THSD4: variants seen among roughly 807,000 people sequenced by gnomAD.
The protein encoded by THSD4 is thrombospondin type 1 domain containing 4.
THSD4 carries 69 observed loss-of-function variants against 119.0 expected under a neutral mutation model. That is an observed-to-expected ratio of 0.58 (90% CI 0.48 to 0.71). The LOEUF is 0.71. THSD4 is among the 30% of genes least tolerant of loss of function. The pLI is 0.00. For missense variants in THSD4, 1,393 were observed against 1,391.1 expected (o/e 1.00, Z -0.02); for synonymous variants, 524 against 540.4 (o/e 0.97, Z 0.42).
intron 8 of THSD4, among the ~76,000 whole-genome samples, chr15:71,716,340 T>C (rs8042924): frequency 0.98 from 148,725 of 152,284 alleles, 72,721 homozygotes; most frequent in East Asian, 1. Context: ...AGGTAACATT[T>C]ACAGGTTCCA....
At chr15:71,312,774 T>G (rs1321493791) in intron 6 of THSD4, among the ~76,000 whole-genome samples, 1 of 152,108 alleles carries the variant, frequency 6.6e-6, no homozygotes, top group South Asian at 2.1e-4. Context: ...ACAGGACCTT[T>G]GCACTTGCTC....
chr15:71,637,446 G>A (rs1020311611), intron 7 of THSD4, among the ~76,000 whole-genome samples: 1 of 152,156 alleles, frequency 6.6e-6, no homozygotes, highest in Non-Finnish European at 1.5e-5. Context: ...TGTCGTGGAA[G>A]GCAGTGGCAG....
chr15:71,706,447 C>G (rs951831326), intron 8 of THSD4, among the ~76,000 whole-genome samples: 7 of 152,040 alleles, frequency 4.6e-5, no homozygotes, highest in African/African-American at 1.7e-4. Flanking sequence ...GTTGGGGAAA[C>G]CTGGTGCTGG....
intron 8 of THSD4, among the ~76,000 whole-genome samples, chr15:71,692,518 T>C (rs2052076719): frequency 6.6e-6 from 1 of 152,220 alleles, no homozygotes; most frequent in Non-Finnish European, 1.5e-5. Context: ...AGCTCTGCAG[T>C]GTACAGGGAG....
chr15:71,386,042 A>T (rs2046289838), intron 6 of THSD4, among the ~76,000 whole-genome samples: 1 of 152,192 alleles, frequency 6.6e-6, no homozygotes, highest in South Asian at 2.1e-4. Context: ...TCAGAGAAGA[A>T]ATCATATTCT....
At chr15:71,354,065 G>T (rs1473437968) in intron 6 of THSD4, among the ~76,000 whole-genome samples, 1 of 152,208 alleles carries the variant, frequency 6.6e-6, no homozygotes, top group Non-Finnish European at 1.5e-5. Flanking sequence ...AGGAGGCCGG[G>T]GTGGGAGGAT....
rs190680783 is a variant in THSD4 at position 71,612,231 on chromosome 15, A to C, written c.1153-48299A>C. ...TCTTTGTGCTTTTGTCAGTGTGATC[A>C]CTAAAGGGGAATTAAAGCCTTTTGT... On this transcript the variant is annotated intron_variant, in intron 7 of 17. Transcript: ENST00000261862. Among the ~76,000 whole-genome samples the C allele has an allele frequency of 8.5e-5, 13 of 152,290 alleles. No homozygotes were observed. The East Asian group carries it at 2.5e-3, about 29-fold the overall frequency.
In THSD4 at chr15:71,203,380, C is replaced by T. The variant is rs565871271; in HGVS notation, c.100-11655C>T. The stretch of plus-strand genomic sequence containing the variant: ...TAAGAAAATAGCTTTGGCGGCCAGG[C>T]GTGATGGCTCATGCCTGTAATCTCA... On this transcript the variant is annotated intron_variant, in intron 3 of 17. Coordinates refer to ENST00000261862, the MANE Select transcript of THSD4 (RefSeq NM_024817.3). Among the ~76,000 whole-genome samples the T allele has an allele frequency of 7.2e-5, 11 of 152,128 alleles. No homozygotes were observed. The East Asian group carries it at 9.7e-4, about 13-fold the overall frequency.
intron 6 of THSD4, among the ~76,000 whole-genome samples, chr15:71,391,309 G>A (rs1004024740): frequency 1.3e-5 from 2 of 152,034 alleles, no homozygotes; most frequent in Admixed American, 6.5e-5. Flanking sequence ...GATTACAGGC[G>A]TGAGCCACCG....
At chr15:71,409,245 A>G (rs1044188850) in intron 6 of THSD4, among the ~76,000 whole-genome samples, 1 of 151,918 alleles carries the variant, frequency 6.6e-6, no homozygotes, top group African/African-American at 2.4e-5. Context: ...CAAAAGATAC[A>G]GATAGTTGGG....
chr15:71,580,580 T>G (rs547042498), intron 7 of THSD4, among the ~76,000 whole-genome samples: 1 of 152,232 alleles, frequency 6.6e-6, no homozygotes, highest in African/African-American at 2.4e-5. Context: ...TCTTCAGAAA[T>G]TATTTATCTT....
chr15:71,371,545 T>C (rs1206344217), intron 6 of THSD4, among the ~76,000 whole-genome samples: 4 of 152,162 alleles, frequency 2.6e-5, no homozygotes, highest in Non-Finnish European at 4.4e-5. Context: ...TGAAGCTTAG[T>C]TTGGCTGGAT....
intron 7 of THSD4, among the ~76,000 whole-genome samples, chr15:71,504,382 G>A (rs2048158904): frequency 6.6e-6 from 1 of 152,214 alleles, no homozygotes; most frequent in Non-Finnish European, 1.5e-5. Flanking sequence ...TTGATTTTAT[G>A]GAGAAGAATT....
At chr15:71,472,275 GGTT>G (rs2047590899) in intron 7 of THSD4, among the ~76,000 whole-genome samples, 1 of 152,082 alleles carries the variant, frequency 6.6e-6, no homozygotes, top group African/African-American at 2.4e-5. Context: ...TACATGATGG[GGTT>G]GTTGTCAAGA....
intron 7 of THSD4, among the ~76,000 whole-genome samples, chr15:71,531,627 C>T (rs1331159831): frequency 6.6e-6 from 1 of 152,324 alleles, no homozygotes; most frequent in Admixed American, 6.5e-5. Flanking sequence ...TTGACCTGAC[C>T]TGTCCACTGG....
intron 7 of THSD4, among the ~76,000 whole-genome samples, chr15:71,575,546 T>A (rs1451266206): frequency 6.6e-6 from 1 of 152,178 alleles, no homozygotes; most frequent in Non-Finnish European, 1.5e-5. Context: ...TCGGGACATT[T>A]TGTTTCTTCG....
chr15:71,691,017 G>A (rs2052037933), intron 8 of THSD4, among the ~76,000 whole-genome samples: 2 of 152,210 alleles, frequency 1.3e-5, no homozygotes, highest in Non-Finnish European at 2.9e-5. Context: ...TTATCCAGGT[G>A]AGTCCAGTGT....
chr15:71,567,603 C>CCCG (rs911500649), intron 7 of THSD4, among the ~76,000 whole-genome samples: 7 of 137,522 alleles, frequency 5.1e-5, no homozygotes, highest in Admixed American at 7.8e-5. Flanking sequence ...GACACCCCCC[C>CCCG]ACACACACAC....
intron 1 of THSD4, among the ~76,000 whole-genome samples, chr15:71,121,118 G>A (rs895521583): frequency 3.4e-5 from 5 of 148,504 alleles, no homozygotes; most frequent in South Asian, 2.2e-4. Flanking sequence ...CTGAAATGTC[G>A]CGTCTCTGAT....
Sources: allele counts gnomAD v4.1 joint callset (sites outside exome capture counted in the v4.1 genomes callset), GRCh38; gene constraint gnomAD v4.1.1; transcripts MANE v1.5; gene names NCBI Gene and HGNC (gene_info 2026-07-23, HGNC 2026-07-21).